The following RREB1 variants were observed in gnomAD, a reference collection of about 807,000 sequenced individuals.
RREB1 encodes the protein ras responsive element binding protein 1, also known as ras-responsive element-binding protein 1.
In RREB1, 27 loss-of-function variants were observed where a neutral mutation model predicts 117.8. The observed-to-expected ratio is 0.23, with a 90% confidence interval of 0.17 to 0.32. The LOEUF (loss-of-function observed/expected upper bound fraction) is 0.32. RREB1 is among the 10% of genes least tolerant of loss of function. RREB1 has a pLI of 1.00. For missense variants in RREB1, 2,577 were observed against 2,378.2 expected (o/e 1.08, Z -1.74); for synonymous variants, 1,298 against 1,026.7 (o/e 1.26, Z -5.05).
At chr6:7,209,572 C>CT (rs397961662) in intron 6 of RREB1, among the ~76,000 whole-genome samples, 3,335 of 129,312 alleles carry the variant, frequency 0.026, 85 homozygotes, top group African/African-American at 0.056. Context: ...TATTTCTTTC[C>CT]TTTTTTTTTT....
intron 7 of RREB1, 77 bp downstream of exon 7, chr6:7,211,025 G>T (rs1333657663): frequency 2.1e-6 from 3 of 1,427,396 alleles, no homozygotes. Flanking sequence ...TATTTTCTCA[G>T]TGTGGAGACT....
intron 12 of RREB1, 140 bp from the exon 13 acceptor site, chr6:7,248,371 G>C (rs1561811040): frequency 5.9e-6 from 4 of 677,528 alleles, no homozygotes; most frequent in Non-Finnish European, 1.0e-5. Context: ...GCTGGTTCAA[G>C]GAAGAGGCCT....
At chr6:7,218,413 A>G (rs1767034561) in intron 8 of RREB1, 1 of 149,270 alleles carries the variant, frequency 6.7e-6, no homozygotes, top group Non-Finnish European at 1.5e-5. Flanking sequence ...AGGTCGCCAG[A>G]TGAATAAAAT....
intron 1 of RREB1, among the ~76,000 whole-genome samples, chr6:7,174,849 T>C (rs1015594892): frequency 2.6e-5 from 4 of 152,214 alleles, no homozygotes; most frequent in South Asian, 2.1e-4. Context: ...CCTCAGGTGA[T>C]CCACCTGCCT....
intron 1 of RREB1, among the ~76,000 whole-genome samples, chr6:7,159,203 G>A (rs112571218): frequency 1.3e-5 from 2 of 152,296 alleles, no homozygotes; most frequent in Non-Finnish European, 2.9e-5. Context: ...TTCTCCGTAA[G>A]ACCACCCTCT....
intron 8 of RREB1, among the ~76,000 whole-genome samples, chr6:7,224,953 G>A (rs1053076934): frequency 2.6e-5 from 4 of 152,122 alleles, no homozygotes; most frequent in Non-Finnish European, 1.5e-5. Flanking sequence ...GGAGCCAGGG[G>A]AGGAGCATGC....
chr6:7,161,537 T>TA (rs1205315865), intron 1 of RREB1, among the ~76,000 whole-genome samples: 1 of 152,200 alleles, frequency 6.6e-6, no homozygotes, highest in Non-Finnish European at 1.5e-5. Context: ...GTGTTTGTGT[T>TA]ATGTTTCACT....
intron 10 of RREB1, among the ~76,000 whole-genome samples, chr6:7,235,789 C>T (rs1175926642): frequency 6.6e-6 from 1 of 152,202 alleles, no homozygotes; most frequent in African/African-American, 2.4e-5. Context: ...CTCCAGTCCT[C>T]CCAGTCCTCA....
In RREB1 at chr6:7,231,153, C is replaced by T. The variant is rs772167148; in HGVS notation, c.3054C>T (p.Ile1018=). 1.2e-6 allele frequency: 2 copies of T among 1,612,562 alleles called. No individual in the cohort carries two copies. The highest frequency in any genetic ancestry group is 1.7e-6 in the Non-Finnish European group (2 of 1,179,868). ...LQGPVQLAVP[I]YSSALVSSPP... ...GCCCTGTTCAGCTGGCGGTCCCAAT[C>T]TACTCCTCAGCCCTGGTCAGCAGCC... Residue 1018 remains isoleucine (I), a synonymous_variant, in exon 10 of 13, where the codon ATC becomes ATT. Transcript: ENST00000379938.
At chr6:7,179,151 G>A (rs914401722) in intron 2 of RREB1, among the ~76,000 whole-genome samples, 1 of 152,124 alleles carries the variant, frequency 6.6e-6, no homozygotes, top group African/African-American at 2.4e-5. Flanking sequence ...GATAGAATTA[G>A]AATTTTTTTT....
chr6:7,154,674 G>T (rs977149586), intron 1 of RREB1, among the ~76,000 whole-genome samples: 3 of 152,184 alleles, frequency 2.0e-5, no homozygotes, highest in Non-Finnish European at 2.9e-5. Context: ...AACTGTCTAA[G>T]GGTCAGGCCA....
At position 7,231,853 on chromosome 6, in the gene RREB1, C is replaced by T. The variant is rs1170976282; in HGVS notation, c.3754C>T (p.Pro1252Ser). The stretch of plus-strand genomic sequence containing the variant: ...GCAGAAGATCACCTGTCCCCACTGT[C>T]CCCGGGTTTTCCCTTGGGCCAGCTC... Reference protein sequence around the residue: ...CLQKITCPHCPRVFPWASSLQ... With the variant: ...CLQKITCPHCSRVFPWASSLQ... Residue 1252 changes from proline to serine, a missense_variant, in exon 10 of 13, where the codon CCC becomes TCC. Pro to Ser is a moderately conservative substitution (Grantham distance 74). Coordinates refer to ENST00000379938, the MANE Select transcript of RREB1 (RefSeq NM_001003699.4). 1.9e-6 allele frequency: 3 copies of T among 1,613,332 alleles called. No individual in the cohort carries two copies. The African/African-American group carries it at 4.0e-5, about 22-fold the overall frequency.
intron 8 of RREB1, chr6:7,212,547 C>G (rs1440221302): frequency 6.6e-6 from 1 of 152,120 alleles, no homozygotes; most frequent in East Asian, 1.9e-4. Context: ...TTGGAAAGAA[C>G]AAAGAACTAC....
chr6:7,143,691 T>C (rs1430842925), intron 1 of RREB1, among the ~76,000 whole-genome samples: 1 of 152,156 alleles, frequency 6.6e-6, no homozygotes, highest in African/African-American at 2.4e-5. Context: ...AGTCGGCTGC[T>C]CATCATTCGG....
At chr6:7,176,321 G>C (rs918528153) in intron 1 of RREB1, among the ~76,000 whole-genome samples, 1 of 152,178 alleles carries the variant, frequency 6.6e-6, no homozygotes, top group Non-Finnish European at 1.5e-5. Context: ...GTAGGTGTCT[G>C]CTGTGAACAT....
At chr6:7,137,725 C>G (rs187619742) in intron 1 of RREB1, among the ~76,000 whole-genome samples, 2 of 152,128 alleles carry the variant, frequency 1.3e-5, no homozygotes, top group East Asian at 3.9e-4. Context: ...GTGTCTCTCT[C>G]GGTGATGCTG....
At chr6:7,140,873 G>A (rs1288037776) in intron 1 of RREB1, 3 of 152,272 alleles carry the variant, frequency 2.0e-5, no homozygotes, top group Non-Finnish European at 4.4e-5. Context: ...GCGCCAGCGT[G>A]GGTGACCCGT....
chr6:7,239,138 T>C (rs1439090140), intron 10 of RREB1, among the ~76,000 whole-genome samples: 1 of 152,240 alleles, frequency 6.6e-6, no homozygotes, highest in African/African-American at 2.4e-5. Context: ...TTCAGGCTTC[T>C]ATCGACATTA....
In RREB1 at chr6:7,246,499, C is replaced by A. The variant is rs748359571; in HGVS notation, c.4049C>A (p.Pro1350Gln). ...LDLTSRDREQ[P>Q]SEGATELRQV... ...CTCACCTCACGGGACAGAGAGCAGC[C>A]GTCGGAGGGCGCCACTGAGCTCCGC... Residue 1350 changes from proline to glutamine, a missense_variant, in exon 12 of 13, where the codon CCG becomes CAG. Pro to Gln is a moderately conservative substitution (Grantham distance 76). Coordinates refer to ENST00000379938, the MANE Select transcript of RREB1 (RefSeq NM_001003699.4). The A allele has an allele frequency of 3.2e-6, 5 of 1,544,412 alleles. No homozygotes were observed.
Sources: gnomAD v4.1 joint callset for allele counts (sites outside exome capture counted in the v4.1 genomes callset) on GRCh38, gnomAD v4.1.1 for gene constraint, MANE v1.5 for transcripts, NCBI Gene and HGNC (gene_info 2026-07-23, HGNC 2026-07-21) for gene names.